The following IKZF3 variants were observed in gnomAD, a reference collection of about 807,000 sequenced individuals.
IKZF3 encodes IKAROS family zinc finger 3.
IKZF3 carries 10 observed loss-of-function variants against 49.0 expected under a neutral mutation model. The ratio of observed to expected loss-of-function variants is 0.20; its 90% confidence interval spans 0.13 to 0.35. IKZF3 has a LOEUF of 0.35. IKZF3 is among the 10% of genes least tolerant of loss of function. IKZF3 has a pLI of 1.00. For synonymous variants in IKZF3, 209 were observed against 228.2 expected, an observed-to-expected ratio of 0.92 and a Z score of 0.76; for missense variants, 498 against 664.8, an observed-to-expected ratio of 0.75 and a Z score of 2.76.
intron 3 of IKZF3, among the ~76,000 whole-genome samples, chr17:39,809,057 G>A (rs908550980): frequency 6.6e-6 from 1 of 152,196 alleles, no homozygotes; most frequent in Admixed American, 6.5e-5. Flanking sequence ...TGCAGAAAAG[G>A]CTGGTTCTAA....
intron 1 of IKZF3, among the ~76,000 whole-genome samples, chr17:39,851,703 T>C (rs991936821): frequency 1.3e-5 from 2 of 152,170 alleles, no homozygotes; most frequent in Admixed American, 6.5e-5. Flanking sequence ...TCTAAGGTGA[T>C]GCAAGTGTTC....
intron 1 of IKZF3, among the ~76,000 whole-genome samples, chr17:39,856,345 G>A (rs2063058097): frequency 6.6e-6 from 1 of 152,000 alleles, no homozygotes; most frequent in African/African-American, 2.4e-5. Flanking sequence ...TTGGAGTGCA[G>A]TGGTGCAATC....
chr17:39,842,507 G>A (rs1342465472), intron 1 of IKZF3, among the ~76,000 whole-genome samples: 1 of 152,130 alleles, frequency 6.6e-6, no homozygotes, highest in African/African-American at 2.4e-5. Context: ...AGAATGAAGT[G>A]GATATCTTAA....
chr17:39,849,573 C>G (rs113483163), intron 1 of IKZF3, among the ~76,000 whole-genome samples: 1 of 151,838 alleles, frequency 6.6e-6, no homozygotes, highest in African/African-American at 2.4e-5. Context: ...GCAGGAGAAT[C>G]GCTGGGAGGT....
At chr17:39,793,362 C>A (rs1252384338) in intron 3 of IKZF3, among the ~76,000 whole-genome samples, 2 of 152,072 alleles carry the variant, frequency 1.3e-5, no homozygotes, top group Non-Finnish European at 2.9e-5. Context: ...TTGTTTGAAT[C>A]CTTCAGATGC....
chr17:39,859,301 A>G (rs2063152056), intron 1 of IKZF3, among the ~76,000 whole-genome samples: 1 of 151,596 alleles, frequency 6.6e-6, no homozygotes, highest in Admixed American at 6.6e-5. Flanking sequence ...TATATATATT[A>G]TAAATAAATT....
intron 1 of IKZF3, among the ~76,000 whole-genome samples, chr17:39,834,436 A>G (rs1256683470): frequency 3.9e-5 from 6 of 152,202 alleles, no homozygotes; most frequent in African/African-American, 1.2e-4. Flanking sequence ...CATCTCATAA[A>G]TGCTGATGTT....
intron 1 of IKZF3, among the ~76,000 whole-genome samples, chr17:39,850,797 T>G (rs1191285801): frequency 2.4e-5 from 3 of 125,200 alleles, no homozygotes; most frequent in Non-Finnish European, 3.1e-5. Context: ...ATATCTAATA[T>G]GCTATATAGT....
chr17:39,797,515 C>T (rs1029565830), intron 3 of IKZF3, among the ~76,000 whole-genome samples: 1 of 151,618 alleles, frequency 6.6e-6, no homozygotes. Flanking sequence ...CTCTGCTTCC[C>T]AGGTCCAAGC....
At chr17:39,790,821 C>G (rs2143865245) in intron 5 of IKZF3, among the ~76,000 whole-genome samples, 1 of 150,430 alleles carries the variant, frequency 6.6e-6, no homozygotes, top group East Asian at 2.0e-4. Flanking sequence ...TTTGGGAGGT[C>G]AAAGTGGGAG....
chr17:39,825,567 G>C (rs898541560), intron 3 of IKZF3, among the ~76,000 whole-genome samples: 1 of 152,132 alleles, frequency 6.6e-6, no homozygotes, highest in African/African-American at 2.4e-5. Context: ...TCTGGCCCTG[G>C]GATGACTTAG....
chr17:39,792,333 C>T (rs945330582), intron 4 of IKZF3, among the ~76,000 whole-genome samples: 2 of 152,146 alleles, frequency 1.3e-5, no homozygotes. Context: ...AAGATCTGCT[C>T]TTATTAAAAA....
chr17:39,780,785 A>G (rs2060722010), intron 6 of IKZF3, among the ~76,000 whole-genome samples: 1 of 152,164 alleles, frequency 6.6e-6, no homozygotes, highest in Non-Finnish European at 1.5e-5. Context: ...CTAGGAGTTC[A>G]AGTTCAGCTT....
chr17:39,781,674 G>A (rs1316837465), intron 6 of IKZF3, among the ~76,000 whole-genome samples: 3 of 152,172 alleles, frequency 2.0e-5, no homozygotes, highest in East Asian at 1.9e-4. Context: ...CTGAGGACAC[G>A]TAATCAACAT....
intron 6 of IKZF3, among the ~76,000 whole-genome samples, chr17:39,780,171 A>G (rs546080583): frequency 6.7e-4 from 102 of 151,656 alleles, no homozygotes; most frequent in Non-Finnish European, 1.1e-3. Flanking sequence ...AACTGCAAAG[A>G]CCACAATTAC....
Position 39,765,930 on chromosome 17 carries a change from A to G in IKZF3, c.1390T>C (p.Tyr464His), listed in dbSNP as rs763156931. 1 of 1,614,252 alleles carries G rather than the reference A, an allele frequency of 6.2e-7. No homozygotes were observed. The highest frequency in any genetic ancestry group is 2.2e-5 in the East Asian group (1 of 44,888). ...CDHCRVLFLD[Y>H]VMFTIHMGCH... ...CCCATGTGAATCGTGAACATCACATAGTCCAGGAAGAGGACGCGGCAGTGG... is the reference window on the plus strand; with the variant it reads ...CCCATGTGAATCGTGAACATCACATGGTCCAGGAAGAGGACGCGGCAGTGG... Residue 464 changes from tyrosine (Y) to histidine (H), a missense_variant, in exon 8 of 8, where the codon TAT (tyrosine) becomes CAT (histidine). Coordinates refer to ENST00000346872, the MANE Select transcript of IKZF3 (RefSeq NM_012481.5).
intron 1 of IKZF3, among the ~76,000 whole-genome samples, chr17:39,858,409 C>T (rs1236486457): frequency 6.6e-6 from 1 of 152,162 alleles, no homozygotes; most frequent in African/African-American, 2.4e-5. Flanking sequence ...ATTGCCAATT[C>T]CACTGTTATA....
At chr17:39,849,052 A>G (rs576210098) in intron 1 of IKZF3, among the ~76,000 whole-genome samples, 1 of 152,216 alleles carries the variant, frequency 6.6e-6, no homozygotes, top group African/African-American at 2.4e-5. Flanking sequence ...ATCTTCATTA[A>G]AATTAAGAAT....
At chr17:39,855,051 C>T (rs184127251) in intron 1 of IKZF3, among the ~76,000 whole-genome samples, 110 of 152,236 alleles carry the variant, frequency 7.2e-4, no homozygotes, top group Non-Finnish European at 1.3e-3. Flanking sequence ...ATGTAACGGT[C>T]TAAATCAGTC....
Sources: allele counts gnomAD v4.1 joint callset (sites outside exome capture counted in the v4.1 genomes callset), GRCh38; gene constraint gnomAD v4.1.1; transcripts MANE v1.5; gene names NCBI Gene and HGNC (gene_info 2026-07-23, HGNC 2026-07-21).